The following CNTNAP2 variants were observed in gnomAD, a reference collection of about 807,000 sequenced individuals.
The protein encoded by CNTNAP2 is contactin-associated protein-like 2.
In CNTNAP2, 98 loss-of-function variants were observed where a neutral mutation model predicts 155.2. The observed-to-expected ratio is 0.63, with a 90% confidence interval of 0.54 to 0.75. CNTNAP2 has a LOEUF of 0.75. CNTNAP2 is among the 30% of genes least tolerant of loss of function. The probability of loss-of-function intolerance (pLI) is 0.00; values close to 1 mark genes in which losing one functional copy is unlikely to be tolerated. For missense variants in CNTNAP2, 1,727 were observed against 1,688.1 expected, an observed-to-expected ratio of 1.02 and a Z score of -0.40; for synonymous variants, 651 against 631.2, an observed-to-expected ratio of 1.03 and a Z score of -0.47.
intron 1 of CNTNAP2, among the ~76,000 whole-genome samples, chr7:146,723,973 T>C (rs1474646562): frequency 2.6e-5 from 4 of 152,178 alleles, no homozygotes; most frequent in Admixed American, 1.3e-4. Context: ...TGTAGTAATA[T>C]GTCCTGTGCA....
chr7:146,634,704 G>T (rs1346332327), intron 1 of CNTNAP2, among the ~76,000 whole-genome samples: 1 of 152,116 alleles, frequency 6.6e-6, no homozygotes, highest in African/African-American at 2.4e-5. Context: ...TTTCCAATTT[G>T]CAAGGAAAGA....
intron 15 of CNTNAP2, among the ~76,000 whole-genome samples, chr7:148,029,067 G>T (rs1394513177): frequency 6.6e-6 from 1 of 150,846 alleles, no homozygotes; most frequent in Non-Finnish European, 1.5e-5. Flanking sequence ...GAAAAAGATT[G>T]TGCCCTACCA....
At chr7:146,287,486 A>T (rs1037825653) in intron 1 of CNTNAP2, among the ~76,000 whole-genome samples, 1 of 152,106 alleles carries the variant, frequency 6.6e-6, no homozygotes, top group Admixed American at 6.5e-5. Context: ...TCTCCTCCCC[A>T]CAATCCTTGT....
chr7:148,317,049 G>A (rs1797702599), intron 21 of CNTNAP2, among the ~76,000 whole-genome samples: 1 of 152,146 alleles, frequency 6.6e-6, no homozygotes, highest in Admixed American at 6.5e-5. Context: ...CAGTAAAGAA[G>A]CAGCAATTTA....
At chr7:147,740,252 G>A (rs1026454667) in intron 13 of CNTNAP2, among the ~76,000 whole-genome samples, 5 of 102,282 alleles carry the variant, frequency 4.9e-5, no homozygotes. Flanking sequence ...AGTGTGATAT[G>A]TGCAGCAAGC....
At chr7:147,007,602 G>T (rs1365225077) in intron 3 of CNTNAP2, among the ~76,000 whole-genome samples, 2 of 151,900 alleles carry the variant, frequency 1.3e-5, no homozygotes, top group Non-Finnish European at 2.9e-5. Context: ...TTGGTTGTGG[G>T]TTGTGGGCTG....
intron 1 of CNTNAP2, among the ~76,000 whole-genome samples, chr7:146,719,290 A>G (rs1387757051): frequency 1.3e-5 from 2 of 152,210 alleles, no homozygotes; most frequent in Non-Finnish European, 2.9e-5. Flanking sequence ...ATATGAGAGA[A>G]TAACTAAGCT....
intron 9 of CNTNAP2, among the ~76,000 whole-genome samples, chr7:147,342,663 G>C (rs1384975349): frequency 6.6e-6 from 1 of 152,104 alleles, no homozygotes; most frequent in Non-Finnish European, 1.5e-5. Flanking sequence ...TTAGGTTTTA[G>C]GATTTAACCC....
At chr7:146,117,075 C>A in intron 1 of CNTNAP2, 102 bp downstream of exon 1, 1 of 987,744 alleles carries the variant, frequency 1.0e-6, no homozygotes, top group Non-Finnish European at 1.6e-6. Context: ...TGCTGGCACC[C>A]TGATGTGTTT....
chr7:146,369,335 G>C (rs977345241), intron 1 of CNTNAP2, among the ~76,000 whole-genome samples: 1 of 151,908 alleles, frequency 6.6e-6, no homozygotes, highest in Non-Finnish European at 1.5e-5. Context: ...TGGACATTTA[G>C]GAATGTTTTG....
chr7:147,802,228 A>C (rs1376790470), intron 13 of CNTNAP2, among the ~76,000 whole-genome samples: 9 of 132,332 alleles, frequency 6.8e-5, no homozygotes, highest in African/African-American at 1.8e-4. Context: ...GGCGGCCGGG[A>C]AGAGACGCTC....
intron 13 of CNTNAP2, among the ~76,000 whole-genome samples, chr7:147,866,541 T>C (rs1472177084): frequency 1.3e-5 from 2 of 152,198 alleles, no homozygotes; most frequent in African/African-American, 4.8e-5. Flanking sequence ...CCATTATTAT[T>C]GTGTGGGAGT....
In CNTNAP2 at chr7:147,754,670, A is replaced by C. The variant is rs117978351; in HGVS notation, c.2098+115364A>C. Among the ~76,000 whole-genome samples the C allele has an allele frequency of 1.1e-3, 162 of 152,326 alleles. 1 individual carries two copies. The highest frequency in any genetic ancestry group is 1.4e-3 in the African/African-American group (57 of 41,588). On this transcript the variant is annotated intron_variant, in intron 13 of 23. Transcript: ENST00000361727. ...TGGGTTTTTAAAACTAATTTTAGTAAAAGAAATAATGCATTGTATTACATA... is the reference window on the plus strand; with the variant it reads ...TGGGTTTTTAAAACTAATTTTAGTACAAGAAATAATGCATTGTATTACATA...
At chr7:147,614,608 T>C (rs1801247132) in intron 12 of CNTNAP2, among the ~76,000 whole-genome samples, 1 of 151,618 alleles carries the variant, frequency 6.6e-6, no homozygotes, top group Non-Finnish European at 1.5e-5. Context: ...AGGATAATGA[T>C]AATGATTATT....
chr7:146,518,374 T>C (rs1173001783), intron 1 of CNTNAP2, among the ~76,000 whole-genome samples: 2 of 151,884 alleles, frequency 1.3e-5, no homozygotes, highest in African/African-American at 4.8e-5. Context: ...CAATAAAGTT[T>C]GGCTATGCAA....
chr7:147,515,591 G>GATT (rs1799111710), intron 11 of CNTNAP2, among the ~76,000 whole-genome samples: 1 of 152,028 alleles, frequency 6.6e-6, no homozygotes, highest in African/African-American at 2.4e-5. Flanking sequence ...AAAGTGCTGG[G>GATT]ATTACAGGCG....
chr7:147,489,803 A>C (rs1456630843), intron 11 of CNTNAP2, among the ~76,000 whole-genome samples: 2 of 152,004 alleles, frequency 1.3e-5, no homozygotes, highest in African/African-American at 4.8e-5. Flanking sequence ...TTTCAGTATA[A>C]ATGGGGATTC....
intron 8 of CNTNAP2, among the ~76,000 whole-genome samples, chr7:147,266,241 A>T (rs958600798): frequency 6.6e-6 from 1 of 152,234 alleles, no homozygotes; most frequent in Non-Finnish European, 1.5e-5. Flanking sequence ...CCACGATAAA[A>T]GGCTACAGGA....
intron 1 of CNTNAP2, among the ~76,000 whole-genome samples, chr7:146,437,654 AT>A (rs1563083478): frequency 1.3e-5 from 2 of 151,672 alleles, no homozygotes; most frequent in African/African-American, 4.9e-5. Flanking sequence ...AACTAAAAAA[AT>A]AATTGTACAT....
Sources: allele counts gnomAD v4.1 joint callset (sites outside exome capture counted in the v4.1 genomes callset), GRCh38; gene constraint gnomAD v4.1.1; transcripts MANE v1.5; gene names NCBI Gene and HGNC (gene_info 2026-07-23, HGNC 2026-07-21).